Variants in EFCAB6 observed in about 807,000 individuals in gnomAD.
EFCAB6 encodes EF-hand calcium binding domain 6, also known as EF-hand calcium-binding domain-containing protein 6.
A neutral mutation model predicts 169.8 loss-of-function variants in EFCAB6; 156 were observed. The observed-to-expected ratio is 0.92, with a 90% CI of 0.81 to 1.05. The LOEUF (loss-of-function observed/expected upper bound fraction) is 1.05. EFCAB6 is among the 50% of genes least tolerant of loss of function. EFCAB6 has a pLI of 0.00. For synonymous variants in EFCAB6, 698 were observed against 676.4 expected, an observed-to-expected ratio of 1.03 and a Z score of -0.50; for missense variants, 1,800 against 1,829.1, an observed-to-expected ratio of 0.98 and a Z score of 0.29.
chr22:43,541,862 G>C (rs1399136659), intron 27 of EFCAB6, among the ~76,000 whole-genome samples: 1 of 152,226 alleles, frequency 6.6e-6, no homozygotes, highest in Non-Finnish European at 1.5e-5. Context: ...AACTTTAAGT[G>C]TCAAACATCT....
rs3215528 is a variant in EFCAB6, at chr22:43,565,758, GA to G, written c.3420+10538del. Among the ~76,000 whole-genome samples, 5,098 of 142,262 alleles carry G rather than the reference GA, an allele frequency of 0.036. 695 individuals are homozygous for G. In the East Asian group the frequency reaches 0.46, roughly 13 times the overall value. The allele number at this position is 142,262 out of a possible 152,430, so 93.3% of individuals were successfully genotyped here. On this transcript the variant is annotated intron_variant, in intron 26 of 31. Coordinates refer to ENST00000262726, the MANE Select transcript of EFCAB6 (RefSeq NM_022785.4). ...TTTTTTTCTATGATTCCTTACAGGA[GA>G]AAAAAAAAAAGTCCTGAAACTTCAC...
chr22:43,573,860 C>T (rs1205876645), intron 26 of EFCAB6, among the ~76,000 whole-genome samples: 2 of 151,512 alleles, frequency 1.3e-5, no homozygotes, highest in Non-Finnish European at 2.9e-5. Context: ...ATATAATGGA[C>T]ATAAACAACT....
chr22:43,640,274 C>T (rs1318633984), intron 17 of EFCAB6, among the ~76,000 whole-genome samples: 1 of 152,088 alleles, frequency 6.6e-6, no homozygotes, highest in South Asian at 2.1e-4. Context: ...TTTATGTCTA[C>T]ATATGTTATA....
chr22:43,690,067 G>A (rs925049499), intron 10 of EFCAB6, among the ~76,000 whole-genome samples: 1 of 152,156 alleles, frequency 6.6e-6, no homozygotes, highest in South Asian at 2.1e-4. Flanking sequence ...CACCCAGCCA[G>A]ATATCCACCC....
intron 6 of EFCAB6, 52 bp from the exon 7 acceptor site, chr22:43,736,045 C>T: frequency 2.7e-6 from 4 of 1,478,030 alleles, no homozygotes; most frequent in South Asian, 1.4e-5. Context: ...TGTTAGGAAC[C>T]AAATGGTAAT....
At chr22:43,757,404 G>A (rs566492547) in intron 5 of EFCAB6, among the ~76,000 whole-genome samples, 3 of 152,084 alleles carry the variant, frequency 2.0e-5, no homozygotes, top group African/African-American at 4.8e-5. Flanking sequence ...AGAATTAGCC[G>A]GGCGTGGTAG....
chr22:43,751,644 A>G (rs1369461778), intron 6 of EFCAB6, among the ~76,000 whole-genome samples: 1 of 152,180 alleles, frequency 6.6e-6, no homozygotes, highest in African/African-American at 2.4e-5. Context: ...CCAAATGCCC[A>G]CTTGAAGTAG....
intron 23 of EFCAB6, among the ~76,000 whole-genome samples, chr22:43,596,018 C>G (rs2051973521): frequency 6.6e-6 from 1 of 152,084 alleles, no homozygotes; most frequent in Non-Finnish European, 1.5e-5. Flanking sequence ...TCAACAGATG[C>G]TGAAAAAGCA....
chr22:43,811,765 T>C (rs1405801413), intron 1 of EFCAB6, among the ~76,000 whole-genome samples: 1 of 152,138 alleles, frequency 6.6e-6, no homozygotes, highest in Non-Finnish European at 1.5e-5. Flanking sequence ...AATCATGACA[T>C]TCACAAGACT....
At chr22:43,721,766 T>C (rs2059535605) in intron 8 of EFCAB6, among the ~76,000 whole-genome samples, 1 of 152,138 alleles carries the variant, frequency 6.6e-6, no homozygotes, top group South Asian at 2.1e-4. Context: ...AAGAAGTAAA[T>C]GGAAGACCTC....
In EFCAB6 at chr22:43,616,002, C is replaced by G. The variant is rs2053661770; in HGVS notation, c.2466-80G>C. The stretch of plus-strand genomic sequence containing the variant: ...TCTCCCAAGGGGTTTCCCTATCCCC[C>G]CTGTTTGTTTCAAGGATACCATTAA... On this transcript the variant is annotated intron_variant, in intron 20 of 31. Transcript: ENST00000262726. The G allele has an allele frequency of 5.8e-6, 7 of 1,207,058 alleles. 1 individual carries two copies. The highest frequency in any genetic ancestry group is 4.4e-5 in the South Asian group (3 of 68,566). 74.8% of individuals were successfully genotyped at this position (1,207,058 alleles called of 1,614,324 possible).
chr22:43,790,204 C>T (rs1326424342), intron 2 of EFCAB6, among the ~76,000 whole-genome samples: 1 of 152,214 alleles, frequency 6.6e-6, no homozygotes, highest in African/African-American at 2.4e-5. Context: ...TAAGAACCAC[C>T]TCATGGCTTA....
At chr22:43,689,243 G>A (rs1486236424) in intron 10 of EFCAB6, among the ~76,000 whole-genome samples, 1 of 152,026 alleles carries the variant, frequency 6.6e-6, no homozygotes. Flanking sequence ...GGGTTGGTTG[G>A]ATGGCTTGCT....
intron 2 of EFCAB6, among the ~76,000 whole-genome samples, chr22:43,807,887 T>C (rs1327757805): frequency 6.6e-6 from 1 of 152,218 alleles, no homozygotes; most frequent in Non-Finnish European, 1.5e-5. Flanking sequence ...TTACTGAGCA[T>C]CTACATTCTT....
chr22:43,687,435 T>A, intron 11 of EFCAB6, 36 bp downstream of exon 11: 1 of 1,217,454 alleles, frequency 8.2e-7, no homozygotes, highest in African/African-American at 1.7e-5. Context: ...ATGATATGTG[T>A]AACTAAAATT....
At chr22:43,680,422 G>A (rs2057957253) in intron 12 of EFCAB6, among the ~76,000 whole-genome samples, 1 of 150,714 alleles carries the variant, frequency 6.6e-6, no homozygotes, top group African/African-American at 2.4e-5. Flanking sequence ...TATTTTGGCT[G>A]TTCTTCCACC....
intron 1 of EFCAB6, among the ~76,000 whole-genome samples, chr22:43,811,315 C>T (rs557481146): frequency 1.5e-5 from 1 of 66,788 alleles, no homozygotes; most frequent in Non-Finnish European, 2.7e-5. Context: ...GGGAGGGGAG[C>T]GGAGGGGAAG....
chr22:43,649,038 C>A (rs2056329188), intron 17 of EFCAB6, among the ~76,000 whole-genome samples: 1 of 151,992 alleles, frequency 6.6e-6, no homozygotes, highest in African/African-American at 2.4e-5. Flanking sequence ...GAGCCAATGC[C>A]CAGAGAAGAG....
chr22:43,623,389 A>G (rs897418578), intron 20 of EFCAB6, among the ~76,000 whole-genome samples: 2 of 152,214 alleles, frequency 1.3e-5, no homozygotes, highest in African/African-American at 4.8e-5. Flanking sequence ...AAAAAAAGGA[A>G]TAAGTCATTG....
Sources: allele counts gnomAD v4.1 joint callset (sites outside exome capture counted in the v4.1 genomes callset), GRCh38; gene constraint gnomAD v4.1.1; transcripts MANE v1.5; gene names NCBI Gene and HGNC (gene_info 2026-07-23, HGNC 2026-07-21).